The following SORCS2 variants were observed in gnomAD, a reference collection of about 807,000 sequenced individuals.
The protein encoded by SORCS2 is VPS10 domain-containing receptor SorCS2.
A neutral mutation model predicts 141.6 loss-of-function variants in SORCS2; 100 were observed. The ratio of observed to expected loss-of-function variants is 0.71; its 90% CI spans 0.60 to 0.83. The LOEUF (loss-of-function observed/expected upper bound fraction) is 0.83. SORCS2 is among the 40% of genes least tolerant of loss of function. The probability of loss-of-function intolerance (pLI) is 0.00; values close to 1 mark genes in which losing one functional copy is unlikely to be tolerated. For synonymous variants in SORCS2, 789 were observed against 676.9 expected (o/e 1.17, Z -2.57); for missense variants, 1,646 against 1,560.2 (o/e 1.05, Z -0.93).
intron 18 of SORCS2, among the ~76,000 whole-genome samples, chr4:7,721,502 A>G (rs1234236180): frequency 6.6e-6 from 1 of 152,146 alleles, no homozygotes; most frequent in African/African-American, 2.4e-5. Flanking sequence ...TTCAACCTGG[A>G]TGAGCCTCAA....
intron 1 of SORCS2, among the ~76,000 whole-genome samples, chr4:7,240,833 G>A (rs1002898618): frequency 2.6e-5 from 4 of 152,146 alleles, no homozygotes; most frequent in African/African-American, 9.7e-5. Flanking sequence ...GGCTGAAGTC[G>A]GGTGGTTTAC....
chr4:7,665,803 C>T (rs1182626286), intron 7 of SORCS2, among the ~76,000 whole-genome samples: 1 of 152,232 alleles, frequency 6.6e-6, no homozygotes, highest in East Asian at 1.9e-4. Context: ...TCTGGGCAAC[C>T]ATCTCCCATG....
rs73099710 is a variant in SORCS2, at chr4:7,506,318, G to A, written c.549-25212G>A. ...CTGCTGCTTGTGGTAAATATTTGGC[G>A]TCCAGCTCCATTTGGCATGGTTATA... is the stretch of plus-strand genomic sequence containing the variant. On this transcript the variant is annotated intron_variant, in intron 2 of 26. Transcript: ENST00000507866. Among the ~76,000 whole-genome samples the A allele has an allele frequency of 2.6e-3, 399 of 152,264 alleles. 8 individuals are homozygous for A. The highest frequency in any genetic ancestry group is 0.014 in the Middle Eastern group (4 of 294).
At chr4:7,499,243 C>T (rs767978097) in intron 2 of SORCS2, among the ~76,000 whole-genome samples, 23 of 152,230 alleles carry the variant, frequency 1.5e-4, no homozygotes, top group African/African-American at 2.6e-4. Context: ...GGCATGTCTG[C>T]GGTGTGCACC....
At chr4:7,336,063 C>T (rs1027333503) in intron 1 of SORCS2, among the ~76,000 whole-genome samples, 2 of 152,206 alleles carry the variant, frequency 1.3e-5, no homozygotes, top group African/African-American at 2.4e-5. Context: ...TGCAGGGGCT[C>T]ACTTGCCCTC....
intron 2 of SORCS2, among the ~76,000 whole-genome samples, chr4:7,411,518 T>C (rs1725308086): frequency 6.6e-6 from 1 of 151,890 alleles, no homozygotes; most frequent in Admixed American, 6.6e-5. Flanking sequence ...TTTGCTCCTC[T>C]CTCCCTCCTT....
chr4:7,434,463 G>T (rs2109238437), intron 2 of SORCS2: 3 of 1,611,258 alleles, frequency 1.9e-6, no homozygotes, highest in Middle Eastern at 1.7e-4. Flanking sequence ...GCGGCTCACA[G>T]AGGCTGAGCG....
At position 7,725,005 on chromosome 4, in the gene SORCS2, ATGGTGGTGGTGG is replaced by A. The variant is rs373326590; in HGVS notation, c.2612-137_2612-126del. 2.9e-3 allele frequency: 2,322 copies of A among 804,784 alleles called. 40 individuals are homozygous for A. The African/African-American group carries it at 0.04, about 14-fold the overall frequency. 49.9% of individuals were successfully genotyped at this position (804,784 alleles called of 1,614,324 possible). On this transcript the variant is annotated intron_variant, in intron 19 of 26. Transcript: ENST00000507866. ...GGAATGGATGGTGGTAGTAGTGGTG[ATGGTGGTGGTGG>A]TGGTGGTGGTGATGATAGTGGTAGT...
chr4:7,197,673 T>G (rs1296095222), intron 1 of SORCS2, among the ~76,000 whole-genome samples: 1 of 151,996 alleles, frequency 6.6e-6, no homozygotes, highest in African/African-American at 2.4e-5. Context: ...TGAGAGTGAA[T>G]GCATTGTGCA....
chr4:7,323,392 G>A (rs968204750), intron 1 of SORCS2, among the ~76,000 whole-genome samples: 5 of 152,094 alleles, frequency 3.3e-5, no homozygotes, highest in South Asian at 4.1e-4. Flanking sequence ...TACAGCCCAC[G>A]GGCCTCCTTA....
At position 7,468,746 on chromosome 4, in the gene SORCS2, T is replaced by C. The variant is rs371666515; in HGVS notation, c.549-62784T>C. Among the ~76,000 whole-genome samples, 12 of 152,358 alleles carry C rather than the reference T, an allele frequency of 7.9e-5. No homozygotes were observed. The South Asian group carries it at 2.3e-3, about 29-fold the overall frequency. Reference sequence around the variant, plus strand: ...TCTTCCATCTGTTGACAGATTCTTATTGTCAGCATTGTTTGGGGGAGATTA... The same window carrying C: ...TCTTCCATCTGTTGACAGATTCTTACTGTCAGCATTGTTTGGGGGAGATTA... On this transcript the variant is annotated intron_variant, in intron 2 of 26. Transcript: ENST00000507866.
intron 2 of SORCS2, among the ~76,000 whole-genome samples, chr4:7,451,326 C>T (rs968277136): frequency 6.6e-6 from 1 of 152,226 alleles, no homozygotes; most frequent in African/African-American, 2.4e-5. Context: ...GGAGCCCCTG[C>T]CACACCCCAG....
rs562431638 is a variant in SORCS2, at chr4:7,701,259, GGAA to G, written c.1669-2015_1669-2013del. 2.0e-5 allele frequency among the ~76,000 whole-genome samples: 3 copies of G among 151,634 alleles called. No individual in the cohort carries two copies. The South Asian group carries it at 6.3e-4, about 32-fold the overall frequency. ...AGAGAAAAAAGGAGAGAGGAGGGAG[GGAA>G]GAAGAGGGAGGGAGGGAGACGGGAA... On this transcript the variant is annotated intron_variant, in intron 12 of 26. Transcript: ENST00000507866.
At chr4:7,512,341 G>A (rs1453512331) in intron 2 of SORCS2, among the ~76,000 whole-genome samples, 6 of 126,888 alleles carry the variant, frequency 4.7e-5, no homozygotes, top group African/African-American at 1.6e-4. Flanking sequence ...AAAAAGCAAG[G>A]AATGGAAGGA....
rs912986897 is a variant in SORCS2, at chr4:7,299,272, C to T, written c.481-97016C>T. Among the ~76,000 whole-genome samples the T allele has an allele frequency of 3.3e-5, 5 of 151,940 alleles. No homozygotes were observed. In the East Asian group the frequency reaches 5.8e-4, roughly 18 times the overall value. ...GTGTGGAATGCGTCTGAGTGGATGG[C>T]GGGCTGTGCCCTAATGAGAAATTGG... On this transcript the variant is annotated intron_variant, in intron 1 of 26. Transcript: ENST00000507866.
intron 5 of SORCS2, among the ~76,000 whole-genome samples, chr4:7,658,126 A>AGT (rs1210431515): frequency 1.3e-5 from 2 of 151,036 alleles, no homozygotes; most frequent in African/African-American, 4.9e-5. Context: ...TCGGTGATTG[A>AGT]GTGACTGAGT....
At chr4:7,534,338 A>G (rs1260746159) in intron 3 of SORCS2, among the ~76,000 whole-genome samples, 1 of 151,052 alleles carries the variant, frequency 6.6e-6, no homozygotes, top group Non-Finnish European at 1.5e-5. Context: ...GTCCCCCCCC[A>G]TCAGGGAGCC....
At position 7,725,214 on chromosome 4, in the gene SORCS2, A is replaced by T; in HGVS notation, c.2672A>T (p.Asn891Ile). 1 of 1,613,578 alleles carries T rather than the reference A, an allele frequency of 6.2e-7. No individual in the cohort carries two copies. Among genetic ancestry groups the T allele is most frequent in the Non-Finnish European group, 8.5e-7 (1 of 1,179,646 alleles). ...GTCATTGGCCTCAACCAGGAGGTGA[A>T]CCTCACAGCTGTGCTGCTTCCCTTG... ...VPVIGLNQEV[N>I]LTAVLLPLNP... The change falls in exon 20 of 27, where the codon AAC (asparagine) becomes ATC (isoleucine). Residue 891 changes from asparagine (N) to isoleucine (I), a missense_variant. Physicochemically the swap from Asn to Ile is moderately radical, Grantham distance 149 (BLOSUM62 -3). Transcript: ENST00000507866.
At chr4:7,506,298 G>A (rs1732274417) in intron 2 of SORCS2, among the ~76,000 whole-genome samples, 1 of 152,160 alleles carries the variant, frequency 6.6e-6, no homozygotes, top group Non-Finnish European at 1.5e-5. Flanking sequence ...GGAGGCTGCT[G>A]CTTGTGGTAA....
Sources: gnomAD v4.1 joint callset for allele counts (sites outside exome capture counted in the v4.1 genomes callset) on GRCh38, gnomAD v4.1.1 for gene constraint, MANE v1.5 for transcripts, NCBI Gene and HGNC (gene_info 2026-07-23, HGNC 2026-07-21) for gene names.